Variants in CDH6 observed in about 807,000 individuals in gnomAD.
CDH6 encodes the protein cadherin-6.
CDH6 carries 31 observed loss-of-function variants against 78.0 expected under a neutral mutation model. The ratio of observed to expected loss-of-function variants is 0.40; its 90% CI spans 0.30 to 0.54. The LOEUF is 0.54. CDH6 is among the 20% of genes least tolerant of loss of function. The pLI is 0.56. For synonymous variants in CDH6, 376 were observed against 368.8 expected (o/e 1.02, Z -0.23); for missense variants, 724 against 975.9 (o/e 0.74, Z 3.44).
chr5:31,234,211 A>C (rs73758185), intron 1 of CDH6, among the ~76,000 whole-genome samples: 2,911 of 152,284 alleles, frequency 0.019, 120 homozygotes, highest in East Asian at 0.15. Flanking sequence ...CTGATGTTGT[A>C]ACAAGAACTG....
At chr5:31,260,249 A>G (rs934220430) in intron 1 of CDH6, among the ~76,000 whole-genome samples, 6 of 152,136 alleles carry the variant, frequency 3.9e-5, no homozygotes, top group Non-Finnish European at 7.3e-5. Context: ...ATGTCATCCC[A>G]TTTTACAGGT....
At chr5:31,230,717 A>ACTT (rs1340402404) in intron 1 of CDH6, among the ~76,000 whole-genome samples, 5 of 152,202 alleles carry the variant, frequency 3.3e-5, no homozygotes, top group African/African-American at 1.2e-4. Context: ...TTGTGTCCTC[A>ACTT]AGTAGAACAA....
intron 1 of CDH6, among the ~76,000 whole-genome samples, chr5:31,204,424 A>C (rs1483195214): frequency 6.6e-6 from 1 of 152,192 alleles, no homozygotes; most frequent in African/African-American, 2.4e-5. Context: ...TAAAATATGA[A>C]GTTGGAAGCA....
At chr5:31,231,148 C>T (rs1741301339) in intron 1 of CDH6, among the ~76,000 whole-genome samples, 1 of 152,028 alleles carries the variant, frequency 6.6e-6, no homozygotes, top group Non-Finnish European at 1.5e-5. Flanking sequence ...GATTTAGAGG[C>T]CAAATGTTCA....
chr5:31,211,663 GT>G lies in CDH6; in HGVS notation c.-129+17785del, dbSNP rs561287034. 2.7e-4 allele frequency among the ~76,000 whole-genome samples: 41 copies of G among 151,776 alleles called. No individual in the cohort carries two copies. In the East Asian group the frequency reaches 7.6e-3, roughly 28 times the overall value. The stretch of plus-strand genomic sequence containing the variant: ...GGCAAAAAAATGAGGTTCTGGGGTT[GT>G]TTTTTTTCACAAATGCATTTAGGTG... On this transcript the variant is annotated intron_variant, in intron 1 of 11. Coordinates refer to ENST00000265071, the MANE Select transcript of CDH6 (RefSeq NM_004932.4).
intron 2 of CDH6, among the ~76,000 whole-genome samples, chr5:31,281,719 G>A (rs1294515200): frequency 1.3e-5 from 2 of 152,092 alleles, no homozygotes; most frequent in Non-Finnish European, 2.9e-5. Context: ...TATCATTTGT[G>A]GCAGTAGAAT....
At chr5:31,270,377 G>A (rs1427670976) in intron 2 of CDH6, among the ~76,000 whole-genome samples, 4 of 152,138 alleles carry the variant, frequency 2.6e-5, no homozygotes, top group Non-Finnish European at 4.4e-5. Context: ...AATAATACAC[G>A]TAAATTGACA....
At chr5:31,254,887 TA>T (rs771727565) in intron 1 of CDH6, among the ~76,000 whole-genome samples, 28 of 152,178 alleles carry the variant, frequency 1.8e-4, no homozygotes, top group Admixed American at 4.6e-4. Flanking sequence ...TAATCATCAT[TA>T]ACAAATGGAG....
In CDH6 at chr5:31,216,881, A is replaced by G. The variant is rs1250897749; in HGVS notation, c.-129+22995A>G. On this transcript the variant is annotated intron_variant, in intron 1 of 11. Transcript: ENST00000265071. ...AGCCTGAGTTATGAAGTTTAGAAAT[A>G]TGTGACTGTTAAGTTGCATAAGAGA... Among the ~76,000 whole-genome samples, 3 of 152,166 alleles carry G rather than the reference A, an allele frequency of 2.0e-5. No individual in the cohort carries two copies. The South Asian group carries it at 6.2e-4, about 32-fold the overall frequency.
At chr5:31,252,644 CT>C (rs1259950918) in intron 1 of CDH6, among the ~76,000 whole-genome samples, 1 of 152,042 alleles carries the variant, frequency 6.6e-6, no homozygotes, top group East Asian at 1.9e-4. Context: ...TCTATTTGTC[CT>C]GTCAAATGAA....
rs567916543 is a variant in CDH6, at chr5:31,302,854, G to A, written c.999+556G>A. 7.7e-4 allele frequency among the ~76,000 whole-genome samples: 95 copies of A among 124,094 alleles called. 1 individual carries two copies. Among genetic ancestry groups the A allele is most frequent in the African/African-American group, 2.6e-3 (83 of 32,514 alleles). The allele number at this position is 124,094 out of a possible 152,430, so 81.4% of individuals were successfully genotyped here. Reference sequence around the variant, plus strand: ...AAAGAAAGAAAGAAAGAAAGAAAGAGAAAGAAAGGAAGAAAGGAGGGAAGG... The same window carrying A: ...AAAGAAAGAAAGAAAGAAAGAAAGAAAAAGAAAGGAAGAAAGGAGGGAAGG... On this transcript the variant is annotated intron_variant, in intron 6 of 11. Transcript: ENST00000265071.
intron 1 of CDH6, among the ~76,000 whole-genome samples, chr5:31,240,772 T>A (rs1226380457): frequency 6.6e-6 from 1 of 152,196 alleles, no homozygotes; most frequent in Non-Finnish European, 1.5e-5. Context: ...AATGGGCGTG[T>A]CATGATAGTG....
chr5:31,215,662 C>T (rs1463776825), intron 1 of CDH6, among the ~76,000 whole-genome samples: 3 of 152,006 alleles, frequency 2.0e-5, no homozygotes, highest in Non-Finnish European at 4.4e-5. Flanking sequence ...AGATGCAGGA[C>T]GGAATCAAGT....
intron 1 of CDH6, among the ~76,000 whole-genome samples, chr5:31,212,260 T>G (rs1279644054): frequency 3.3e-5 from 5 of 152,244 alleles, no homozygotes; most frequent in Non-Finnish European, 7.3e-5. Flanking sequence ...ATGTTTCTGC[T>G]GCTGCTATTG....
intron 5 of CDH6, among the ~76,000 whole-genome samples, chr5:31,301,737 TA>T (rs2149951361): frequency 6.6e-6 from 1 of 152,330 alleles, no homozygotes; most frequent in East Asian, 1.9e-4. Context: ...AGTAATTAAC[TA>T]AAAGTCGCAG....
intron 1 of CDH6, among the ~76,000 whole-genome samples, chr5:31,244,284 A>G (rs952381347): frequency 1.3e-5 from 2 of 152,194 alleles, no homozygotes; most frequent in Non-Finnish European, 2.9e-5. Flanking sequence ...ATGAAGGACA[A>G]CTTCATCAAA....
chr5:31,203,762 C>T (rs1030720427), intron 1 of CDH6, among the ~76,000 whole-genome samples: 3 of 151,584 alleles, frequency 2.0e-5, no homozygotes, highest in Admixed American at 1.3e-4. Context: ...GGTATATACC[C>T]AGTAATGGGA....
intron 2 of CDH6, among the ~76,000 whole-genome samples, chr5:31,275,792 G>A (rs1014507422): frequency 3.9e-5 from 6 of 152,114 alleles, no homozygotes; most frequent in Admixed American, 6.5e-5. Flanking sequence ...CCTAAACCAT[G>A]GGTGTTTTTC....
intron 1 of CDH6, among the ~76,000 whole-genome samples, chr5:31,203,430 A>T (rs1015190681): frequency 2.6e-5 from 3 of 116,378 alleles, no homozygotes; most frequent in African/African-American, 1.0e-4. Flanking sequence ...CCAGAGTGTG[A>T]TATTCCCCTT....
Sources: gnomAD v4.1 joint callset for allele counts (sites outside exome capture counted in the v4.1 genomes callset) on GRCh38, gnomAD v4.1.1 for gene constraint, MANE v1.5 for transcripts, NCBI Gene and HGNC (gene_info 2026-07-23, HGNC 2026-07-21) for gene names.